The following LARP1B variants were observed in gnomAD, a reference collection of about 807,000 sequenced individuals.
The protein encoded by LARP1B is La ribonucleoprotein 1B, also known as la-related protein 1B.
LARP1B carries 76 observed loss-of-function variants against 114.2 expected under a neutral mutation model. That is an observed-to-expected ratio of 0.67 (90% CI 0.55 to 0.81). The LOEUF (loss-of-function observed/expected upper bound fraction) is 0.81. LARP1B is among the 30% of genes least tolerant of loss of function. The pLI, the probability that LARP1B is intolerant of heterozygous loss-of-function variation, is 0.00. For synonymous variants in LARP1B, 345 were observed against 348.0 expected (o/e 0.99, Z 0.10); for missense variants, 1,014 against 1,075.8 (o/e 0.94, Z 0.80).
chr4:128,122,002 C>A lies in LARP1B; in HGVS notation c.1338C>A (p.Asn446Lys), dbSNP rs376764980. Residue 446 changes from asparagine to lysine, a missense_variant, in exon 11 of 20, where the codon AAC becomes AAA. Asn to Lys is a moderately conservative substitution (Grantham distance 94, BLOSUM62 0). Transcript: ENST00000326639. ...ATGAAATTGATGACCAAGACTTAAACAAGATTTTGATTGTAACTCAGACAC... is the reference window on the plus strand; with the variant it reads ...ATGAAATTGATGACCAAGACTTAAAAAAGATTTTGATTGTAACTCAGACAC... ...SDYEIDDQDLNKILIVTQTPP... is the reference protein window; with the variant it reads ...SDYEIDDQDLKKILIVTQTPP... 1.5e-5 allele frequency: 25 copies of A among 1,613,388 alleles called. No individual in the cohort carries two copies. The highest frequency in any genetic ancestry group is 2.0e-5 in the Non-Finnish European group (24 of 1,179,910).
Position 128,206,508 on chromosome 4 carries a change from A to G in LARP1B, c.2390A>G (p.Gln797Arg), listed in dbSNP as rs761243032. Residue 797 changes from glutamine to arginine, a missense_variant, in exon 18 of 20, where the codon CAA (glutamine) becomes CGA (arginine). Physicochemically the swap from Gln to Arg is conservative, Grantham distance 43. Coordinates refer to ENST00000326639, the MANE Select transcript of LARP1B (RefSeq NM_018078.4). ...KFRREIFQDFQEETKKDYESG... is the reference protein window; with the variant it reads ...KFRREIFQDFREETKKDYESG... ...AGGCGAGAAATTTTTCAGGATTTCC[A>G]AGAAGAAACCAAAAAAGACTACGAA... 6 of 1,612,980 alleles carry G rather than the reference A, an allele frequency of 3.7e-6. No individual in the cohort carries two copies. In the African/African-American group the frequency reaches 4.0e-5, roughly 11 times the overall value.
At position 128,069,816 on chromosome 4, in the gene LARP1B, T is replaced by C. The variant is rs141186133; in HGVS notation, c.-77-4644T>C. Among the ~76,000 whole-genome samples, 21 of 152,288 alleles carry C rather than the reference T, an allele frequency of 1.4e-4. No homozygotes were observed. In the East Asian group the frequency reaches 4.0e-3, roughly 29 times the overall value. ...TGATTTTTTTCTGTCTTTTTTATTC[T>C]TATTTTTCTCGAACCCTATGTTCAT... is the stretch of plus-strand genomic sequence containing the variant. On this transcript the variant is annotated intron_variant, in intron 1 of 19. Coordinates refer to ENST00000326639, the MANE Select transcript of LARP1B (RefSeq NM_018078.4).
In LARP1B at chr4:128,098,366, G is replaced by A. The variant is rs369789123; in HGVS notation, c.813+36G>A. Reference sequence around the variant, plus strand: ...ATTTGATGAACAATTTGTACTTTCTGCTCAAATTTCCTTTGTACCTAAAAC... The same window carrying A: ...ATTTGATGAACAATTTGTACTTTCTACTCAAATTTCCTTTGTACCTAAAAC... On this transcript the variant is annotated intron_variant, in intron 8 of 19. Coordinates refer to ENST00000326639, the MANE Select transcript of LARP1B (RefSeq NM_018078.4). The A allele has an allele frequency of 3.2e-6, 5 of 1,559,704 alleles. No homozygotes were observed. In the African/African-American group the frequency reaches 5.4e-5, roughly 17 times the overall value.
chr4:128,095,359 C>A (rs1325847690), intron 7 of LARP1B, among the ~76,000 whole-genome samples: 2 of 151,690 alleles, frequency 1.3e-5, no homozygotes, highest in African/African-American at 4.8e-5. Flanking sequence ...CATGGTGGCA[C>A]ACACCTGTAG....
rs756131458 is a variant in LARP1B, at chr4:128,107,121, C to T, written c.814-18C>T. The T allele has an allele frequency of 3.8e-6, 6 of 1,599,850 alleles. No individual in the cohort carries two copies. Among genetic ancestry groups the T allele is most frequent in the Admixed American group, 1.7e-5 (1 of 59,560 alleles). On this transcript the variant is annotated intron_variant, in intron 8 of 19. Coordinates refer to ENST00000326639, the MANE Select transcript of LARP1B (RefSeq NM_018078.4). Reference sequence around the variant, plus strand: ...GTGAAATAGCTCATAATTTTAATAGCTCAATTTCTGTTAATAGGCACTGAA... The same window carrying T: ...GTGAAATAGCTCATAATTTTAATAGTTCAATTTCTGTTAATAGGCACTGAA...
intron 11 of LARP1B, among the ~76,000 whole-genome samples, chr4:128,125,149 A>C (rs1367771245): frequency 6.6e-6 from 1 of 152,226 alleles, no homozygotes; most frequent in African/African-American, 2.4e-5. Context: ...AAAACTATAC[A>C]GAAGTGAAGT....
chr4:128,154,642 A>T (rs1209379302), intron 11 of LARP1B, among the ~76,000 whole-genome samples: 1 of 152,156 alleles, frequency 6.6e-6, no homozygotes, highest in Admixed American at 6.5e-5. Context: ...CCCAGTTCAG[A>T]TATTACTCTT....
chr4:128,121,886 CAAG>C lies in LARP1B; in HGVS notation c.1228_1230del (p.Glu410del). The C allele has an allele frequency of 2.5e-6, 4 of 1,611,906 alleles. No individual in the cohort carries two copies. Among genetic ancestry groups the C allele is most frequent in the East Asian group, 2.2e-5 (1 of 44,854 alleles). ...GCTATGTTCTTCAGAAGAACCAGAA[CAAG>C]AAGAACTTGATTTTTTGTTTGATGA... On this transcript the variant is annotated inframe_deletion, in exon 11 of 20. Coordinates refer to ENST00000326639, the MANE Select transcript of LARP1B (RefSeq NM_018078.4).
At chr4:128,127,591 C>T (rs545921994) in intron 11 of LARP1B, among the ~76,000 whole-genome samples, 11 of 152,028 alleles carry the variant, frequency 7.2e-5, no homozygotes, top group African/African-American at 1.4e-4. Context: ...CCCAGCACTT[C>T]GGGAGGCCGA....
At chr4:128,216,822 C>T (rs1759522159), downstream of LARP1B, among the ~76,000 whole-genome samples, 1 of 151,922 alleles carries the variant, frequency 6.6e-6, no homozygotes, top group South Asian at 2.1e-4. Context: ...AATAGAGACA[C>T]AAAAAACCCT....
At chr4:128,077,191 C>T (rs759442105) in intron 3 of LARP1B, among the ~76,000 whole-genome samples, 1 of 152,020 alleles carries the variant, frequency 6.6e-6, no homozygotes, top group Non-Finnish European at 1.5e-5. Flanking sequence ...AGTATGTGAT[C>T]AATCTGCCCA....
intron 11 of LARP1B, among the ~76,000 whole-genome samples, chr4:128,124,998 C>T (rs887037153): frequency 6.6e-6 from 1 of 152,128 alleles, no homozygotes; most frequent in Non-Finnish European, 1.5e-5. Context: ...CTATGTTGAA[C>T]TGGACCAAAG....
chr4:128,086,178 G>C (rs1034901088), intron 5 of LARP1B, among the ~76,000 whole-genome samples: 3 of 151,394 alleles, frequency 2.0e-5, no homozygotes, highest in African/African-American at 7.3e-5. Flanking sequence ...TATTTTTTTT[G>C]TAGTTTTTAG....
chr4:128,213,645 AC>A (rs1759273874), downstream of LARP1B, among the ~76,000 whole-genome samples: 1 of 152,212 alleles, frequency 6.6e-6, no homozygotes, highest in South Asian at 2.1e-4. Flanking sequence ...GTCCCTACAG[AC>A]CTTAGGGCTT....
chr4:128,107,190 A>C lies in LARP1B; in HGVS notation c.865A>C (p.Lys289Gln), dbSNP rs747664516. ...VEIVDEKMRK[K>Q]IEPEKWPIPG... ...AATTGTGGATGAGAAAATGAGAAAA[A>C]AGATAGAACCAGAAAAATGGCCAAT... Residue 289 changes from lysine (K) to glutamine (Q), a missense_variant, in exon 9 of 20, where the codon AAG becomes CAG. Physicochemically the swap from Lys to Gln is moderately conservative, Grantham distance 53. Coordinates refer to ENST00000326639, the MANE Select transcript of LARP1B (RefSeq NM_018078.4). 6.2e-7 allele frequency: 1 copy of C among 1,614,198 alleles called. No individual in the cohort carries two copies. Among genetic ancestry groups the C allele is most frequent in the Non-Finnish European group, 8.5e-7 (1 of 1,180,032 alleles).
At chr4:128,104,647 T>C (rs527302423) in intron 8 of LARP1B, among the ~76,000 whole-genome samples, 157 of 152,218 alleles carry the variant, frequency 1.0e-3, no homozygotes, top group Non-Finnish European at 1.7e-3. Context: ...GGTTTCACCA[T>C]GTTGGCCAGG....
At chr4:128,081,498 T>C (rs2149454547) in intron 4 of LARP1B, among the ~76,000 whole-genome samples, 1 of 152,122 alleles carries the variant, frequency 6.6e-6, no homozygotes, top group East Asian at 1.9e-4. Context: ...ATTAACATTG[T>C]TTCTTCTACG....
In LARP1B at chr4:128,172,936, A is replaced by AGTGTGT. The variant is rs1452279399; in HGVS notation, c.1649-3936_1649-3935insGTGTGT. ...ACAGAGTCTATTTTTAATCCCATCC[A>AGTGTGT]ATGTGTGTGTGTGTGTGTGTGTGTG... is the stretch of plus-strand genomic sequence containing the variant. On this transcript the variant is annotated intron_variant, in intron 12 of 19. Transcript: ENST00000326639. 2.6e-3 allele frequency among the ~76,000 whole-genome samples: 207 copies of AGTGTGT among 79,264 alleles called. 2 individuals carry two copies. Among genetic ancestry groups the AGTGTGT allele is most frequent in the African/African-American group, 0.014 (193 of 13,764 alleles). The allele number at this position is 79,264 out of a possible 152,430, so 52.0% of individuals were successfully genotyped here.
At position 128,210,483 on chromosome 4, in the gene LARP1B, T is replaced by G; in HGVS notation, c.*430T>G. The G allele has an allele frequency of 1.0e-6, 1 of 990,284 alleles. No homozygotes were observed. Among genetic ancestry groups the G allele is most frequent in the Non-Finnish European group, 1.2e-6 (1 of 831,998 alleles). 61.3% of individuals were successfully genotyped at this position (990,284 alleles called of 1,614,324 possible). A position where few individuals can be genotyped will look rare whatever the true frequency, so the allele number is the denominator to read the frequency against. ...CTCTTCTTAGAGCTTTCTTAAAGAA[T>G]CCACAATCCAATTACCCCACTGTCA... On this transcript the variant is annotated 3_prime_UTR_variant, in exon 20 of 20. Transcript: ENST00000326639.
Sources: allele counts gnomAD v4.1 joint callset (sites outside exome capture counted in the v4.1 genomes callset), GRCh38; gene constraint gnomAD v4.1.1; transcripts MANE v1.5; gene names NCBI Gene and HGNC (gene_info 2026-07-23, HGNC 2026-07-21).